MCTP1: variants seen among roughly 807,000 people sequenced by gnomAD.
The protein encoded by MCTP1 is multiple C2 and transmembrane domain-containing protein 1.
MCTP1 carries 69 observed loss-of-function variants against 120.6 expected under a neutral mutation model. The observed-to-expected ratio is 0.57, with a 90% CI of 0.47 to 0.70. The LOEUF (loss-of-function observed/expected upper bound fraction) is 0.70, where lower values mean the gene tolerates loss of function less well. Among genes scored for constraint, MCTP1 ranks in the 30% least tolerant of loss-of-function variants. MCTP1 has a pLI of 0.00. For synonymous variants in MCTP1, 529 were observed against 493.1 expected, an observed-to-expected ratio of 1.07 and a Z score of -0.96; for missense variants, 1,203 against 1,248.8, an observed-to-expected ratio of 0.96 and a Z score of 0.55.
At position 94,901,688 on chromosome 5, in the gene MCTP1, G is replaced by A. The variant is rs555611661; in HGVS notation, c.1653-6853C>T. On this transcript the variant is annotated intron_variant, in intron 10 of 22. Coordinates refer to ENST00000515393, the MANE Select transcript of MCTP1 (RefSeq NM_024717.7). ...ATATTCATCATCTTTATGGGGTGAT[G>A]TTATCCTCTAAAAGTTCAAGGAGAA... Among the ~76,000 whole-genome samples the A allele has an allele frequency of 4.0e-5, 6 of 151,614 alleles. 1 individual carries two copies. The South Asian group carries it at 1.3e-3, about 32-fold the overall frequency.
chr5:95,284,992 C>A lies in MCTP1; in HGVS notation c.-417G>T, dbSNP rs1384109438. Among the ~76,000 whole-genome samples, 1 of 152,312 alleles carries A rather than the reference C, an allele frequency of 6.6e-6. No homozygotes were observed. The highest frequency in any genetic ancestry group is 1.9e-4 in the East Asian group (1 of 5,164). ...GCACCGGGGCGTGCGCGTCCAGCTGCGCCAGGGACCGCACCCGGCGCCCTC... is the reference window on the plus strand; with the variant it reads ...GCACCGGGGCGTGCGCGTCCAGCTGAGCCAGGGACCGCACCCGGCGCCCTC... On this transcript the variant is annotated 5_prime_UTR_variant, in exon 1 of 23. Transcript: ENST00000515393. The surrounding 1 kb of genome is among the most constrained non-coding windows in gnomAD (Gnocchi z 5.2).
At chr5:95,228,077 G>A (rs1006131856) in intron 1 of MCTP1, among the ~76,000 whole-genome samples, 2 of 152,080 alleles carry the variant, frequency 1.3e-5, no homozygotes, top group Non-Finnish European at 2.9e-5. Context: ...ACCAAAAAAT[G>A]GAGAGATTTC....
At chr5:95,160,753 T>C (rs1375548605) in intron 1 of MCTP1, among the ~76,000 whole-genome samples, 3 of 151,826 alleles carry the variant, frequency 2.0e-5, no homozygotes, top group African/African-American at 7.3e-5. Context: ...AATAACTCAA[T>C]AGCAAGAAAA....
chr5:95,110,521 A>T (rs1757377266), intron 1 of MCTP1, among the ~76,000 whole-genome samples: 1 of 152,190 alleles, frequency 6.6e-6, no homozygotes, highest in Non-Finnish European at 1.5e-5. Context: ...ATTGGATGTT[A>T]TGTGAGTTAA....
intron 18 of MCTP1, among the ~76,000 whole-genome samples, chr5:94,790,011 T>A (rs559622712): frequency 6.6e-6 from 1 of 152,276 alleles, no homozygotes; most frequent in Admixed American, 6.5e-5. Flanking sequence ...AAATGGAAGA[T>A]TCAATTAGAA....
At chr5:95,272,625 C>T (rs912940549) in intron 1 of MCTP1, among the ~76,000 whole-genome samples, 24 of 152,170 alleles carry the variant, frequency 1.6e-4, no homozygotes, top group African/African-American at 5.8e-4. Flanking sequence ...TATAAATACA[C>T]TCTAAAATGC....
chr5:94,826,502 T>C (rs1787096227), intron 17 of MCTP1: 1 of 703,288 alleles, frequency 1.4e-6, no homozygotes, highest in African/African-American at 1.7e-5. Flanking sequence ...ATTTCAGTTC[T>C]GTACATCTGC....
At chr5:95,062,102 A>G (rs1749383736) in intron 1 of MCTP1, among the ~76,000 whole-genome samples, 1 of 152,238 alleles carries the variant, frequency 6.6e-6, no homozygotes, top group Non-Finnish European at 1.5e-5. Flanking sequence ...TAGAAATGAA[A>G]TTTGAATTCA....
chr5:95,088,522 C>T (rs1582221720), intron 1 of MCTP1, among the ~76,000 whole-genome samples: 1 of 152,158 alleles, frequency 6.6e-6, no homozygotes, highest in Non-Finnish European at 1.5e-5. Context: ...AGGTACTACT[C>T]GGAGCAATTA....
chr5:95,223,045 T>C (rs1397663759), intron 1 of MCTP1, among the ~76,000 whole-genome samples: 2 of 152,188 alleles, frequency 1.3e-5, no homozygotes, highest in African/African-American at 4.8e-5. Flanking sequence ...CTTCAACTGA[T>C]TGGATGAGGC....
At chr5:94,841,711 A>G (rs947775751) in intron 17 of MCTP1, among the ~76,000 whole-genome samples, 8 of 152,222 alleles carry the variant, frequency 5.3e-5, no homozygotes, top group Admixed American at 1.3e-4. Flanking sequence ...GGATGTATAT[A>G]TGCACTCATA....
At chr5:95,015,539 G>A (rs539747745) in intron 2 of MCTP1, among the ~76,000 whole-genome samples, 1 of 152,088 alleles carries the variant, frequency 6.6e-6, no homozygotes, top group South Asian at 2.1e-4. Flanking sequence ...TTAGTTTCTA[G>A]CTTTTGATTT....
chr5:95,057,940 A>G (rs1214912554), intron 1 of MCTP1, among the ~76,000 whole-genome samples: 1 of 152,154 alleles, frequency 6.6e-6, no homozygotes, highest in Non-Finnish European at 1.5e-5. Flanking sequence ...TATTCCAACA[A>G]CTGAAGCCTT....
At chr5:94,840,493 G>T (rs1035154546) in intron 17 of MCTP1, among the ~76,000 whole-genome samples, 3 of 152,178 alleles carry the variant, frequency 2.0e-5, no homozygotes, top group African/African-American at 4.8e-5. Context: ...CCGCTGTTGG[G>T]ATGGCTTGAT....
intron 19 of MCTP1, among the ~76,000 whole-genome samples, chr5:94,724,957 A>G (rs1187256200): frequency 7.9e-6 from 1 of 126,510 alleles, no homozygotes; most frequent in African/African-American, 2.6e-5. Flanking sequence ...CCAAGTATCC[A>G]GAGATTTAAA....
chr5:94,814,842 A>C (rs1784171419), intron 17 of MCTP1, among the ~76,000 whole-genome samples: 1 of 152,160 alleles, frequency 6.6e-6, no homozygotes, highest in Admixed American at 6.5e-5. Flanking sequence ...CTCTGCCCTG[A>C]AGAAAGCACT....
Position 94,912,977 on chromosome 5 carries a change from C to G in MCTP1, c.1351-1G>C. 1 of 1,584,512 alleles carries G rather than the reference C, an allele frequency of 6.3e-7. No homozygotes were observed. The highest frequency in any genetic ancestry group is 1.2e-5 in the South Asian group (1 of 85,714). Reference sequence around the variant, plus strand: ...ATAGGCGTAAACTTTGGGTCTGAAACTTTTGGCAAATGAAAATTGAGTTAG... The same window carrying G: ...ATAGGCGTAAACTTTGGGTCTGAAAGTTTTGGCAAATGAAAATTGAGTTAG... On this transcript the variant is annotated splice_acceptor_variant, in intron 8 of 22. Coordinates refer to ENST00000515393, the MANE Select transcript of MCTP1 (RefSeq NM_024717.7). LOFTEE classifies it high-confidence loss of function.
intron 1 of MCTP1, among the ~76,000 whole-genome samples, chr5:95,123,103 A>G (rs1210638747): frequency 1.3e-5 from 2 of 152,216 alleles, no homozygotes; most frequent in Admixed American, 1.3e-4. Flanking sequence ...TACATTTTAA[A>G]ATAACTCAAG....
At chr5:94,882,584 G>T (rs1230681464) in intron 12 of MCTP1, among the ~76,000 whole-genome samples, 1 of 152,018 alleles carries the variant, frequency 6.6e-6, no homozygotes, top group African/African-American at 2.4e-5. Flanking sequence ...GCATCATGAA[G>T]GTATTTCTTC....
Sources: gnomAD v4.1 joint callset for allele counts (sites outside exome capture counted in the v4.1 genomes callset) on GRCh38, gnomAD v4.1.1 for gene constraint, Gnocchi (gnomAD v3.1) non-coding constraint, MANE v1.5 for transcripts, NCBI Gene and HGNC (gene_info 2026-07-23, HGNC 2026-07-21) for gene names.